The following SDK1 variants were observed in gnomAD, a reference collection of about 807,000 sequenced individuals.
The protein encoded by SDK1 is protein sidekick-1.
Under a neutral mutation model 245.5 loss-of-function variants are expected in SDK1, and 157 were observed. The ratio of observed to expected loss-of-function variants is 0.64; its 90% CI spans 0.56 to 0.73. The LOEUF (loss-of-function observed/expected upper bound fraction) is 0.73. SDK1 is among the 30% of genes least tolerant of loss of function. The probability of loss-of-function intolerance (pLI) is 0.00; values close to 1 mark genes in which losing one functional copy is unlikely to be tolerated. For missense variants in SDK1, 3,583 were observed against 3,002.3 expected (o/e 1.19, Z -4.52); for synonymous variants, 1,647 against 1,278.5 (o/e 1.29, Z -6.15).
intron 1 of SDK1, among the ~76,000 whole-genome samples, chr7:3,514,723 C>G (rs922690093): frequency 5.3e-5 from 8 of 152,210 alleles, no homozygotes; most frequent in Admixed American, 3.3e-4. Context: ...GTACTTAGAC[C>G]CCGTCTCCTT....
intron 4 of SDK1, among the ~76,000 whole-genome samples, chr7:3,803,224 T>G (rs1779149473): frequency 6.6e-6 from 1 of 152,206 alleles, no homozygotes; most frequent in Admixed American, 6.5e-5. Flanking sequence ...TTTTATGTGC[T>G]TATTTGCCGT....
At chr7:3,781,784 A>G (rs1012912790) in intron 4 of SDK1, among the ~76,000 whole-genome samples, 2 of 152,236 alleles carry the variant, frequency 1.3e-5, no homozygotes, top group Non-Finnish European at 2.9e-5. Context: ...GAAAAATTCA[A>G]TAGAAAGCTT....
At chr7:3,641,527 A>G (rs547847335) in intron 3 of SDK1, among the ~76,000 whole-genome samples, 50 of 152,306 alleles carry the variant, frequency 3.3e-4, no homozygotes, top group Non-Finnish European at 6.3e-4. Flanking sequence ...GAAGGAAACA[A>G]GCTGAAGAGA....
chr7:3,355,785 T>A (rs57952815), intron 1 of SDK1, among the ~76,000 whole-genome samples: 82,001 of 152,154 alleles, frequency 0.54, 23,702 homozygotes, highest in African/African-American at 0.77. Context: ...TTTACCCATT[T>A]AATCTGCTAT....
At chr7:3,682,083 G>A (rs1237357264) in intron 4 of SDK1, among the ~76,000 whole-genome samples, 2 of 152,162 alleles carry the variant, frequency 1.3e-5, no homozygotes, top group African/African-American at 4.8e-5. Flanking sequence ...GAATTTTGAA[G>A]TATCTGCCTG....
Position 3,549,248 on chromosome 7 carries a change from A to G in SDK1, c.299-69832A>G, listed in dbSNP as rs183412847. 5.1e-4 allele frequency among the ~76,000 whole-genome samples: 77 copies of G among 152,324 alleles called. 1 individual carries two copies. The South Asian group carries it at 0.014, about 27-fold the overall frequency. The stretch of plus-strand genomic sequence containing the variant: ...GTGAAATGTGATCTCTATGAGTTAT[A>G]GTCTTCCTGTGAGGATGCGTTGTTT... On this transcript the variant is annotated intron_variant, in intron 1 of 44. Coordinates refer to ENST00000404826, the MANE Select transcript of SDK1 (RefSeq NM_152744.4).
At chr7:3,564,390 G>A (rs922187208) in intron 1 of SDK1, among the ~76,000 whole-genome samples, 1 of 152,052 alleles carries the variant, frequency 6.6e-6, no homozygotes, top group Non-Finnish European at 1.5e-5. Flanking sequence ...TTGGGAGGCC[G>A]AGACAGGATA....
At chr7:4,238,360 G>A (rs531066182) in intron 42 of SDK1, among the ~76,000 whole-genome samples, 72 of 151,924 alleles carry the variant, frequency 4.7e-4, no homozygotes, top group Non-Finnish European at 9.6e-4. Context: ...GATTACAGAC[G>A]TGAGCCACGG....
chr7:4,221,763 A>G (rs1785165796), intron 40 of SDK1, among the ~76,000 whole-genome samples: 1 of 152,192 alleles, frequency 6.6e-6, no homozygotes, highest in Non-Finnish European at 1.5e-5. Flanking sequence ...CTTGTTTCTG[A>G]TAATACGAAG....
At chr7:3,653,263 C>T (rs1309515135) in intron 4 of SDK1, among the ~76,000 whole-genome samples, 2 of 152,220 alleles carry the variant, frequency 1.3e-5, no homozygotes, top group African/African-American at 4.8e-5. Flanking sequence ...CCTCCTTCCT[C>T]TGTGCTTTCC....
rs188280581 is a variant in SDK1 at position 3,417,930 on chromosome 7, A to G, written c.298+116046A>G. Among the ~76,000 whole-genome samples, 191 of 152,298 alleles carry G rather than the reference A, an allele frequency of 1.3e-3. 1 individual carries two copies. The highest frequency in any genetic ancestry group is 2.1e-3 in the Non-Finnish European group (141 of 68,024). On this transcript the variant is annotated intron_variant, in intron 1 of 44. Coordinates refer to ENST00000404826, the MANE Select transcript of SDK1 (RefSeq NM_152744.4). Reference sequence around the variant, plus strand: ...CGGAAGTGAGTTTGCAAAGTATCTTATAAAAAGCTAGACTTAATTACTCAT... The same window carrying G: ...CGGAAGTGAGTTTGCAAAGTATCTTGTAAAAAGCTAGACTTAATTACTCAT...
intron 1 of SDK1, among the ~76,000 whole-genome samples, chr7:3,551,560 GT>G (rs529424717): frequency 0.019 from 2,782 of 143,554 alleles, 51 homozygotes; most frequent in African/African-American, 0.051. Flanking sequence ...TGCCTCATTG[GT>G]TTTTTTTTTT....
In SDK1 at chr7:3,633,770, C is replaced by G. The variant is rs370557955; in HGVS notation, c.459-5234C>G. Reference sequence around the variant, plus strand: ...TTCTAAAACCACAGAAACCAACTTTCTCTTGTGTGAGCTGTTGCATGGATG... The same window carrying G: ...TTCTAAAACCACAGAAACCAACTTTGTCTTGTGTGAGCTGTTGCATGGATG... On this transcript the variant is annotated intron_variant, in intron 2 of 44. Coordinates refer to ENST00000404826, the MANE Select transcript of SDK1 (RefSeq NM_152744.4). Among the ~76,000 whole-genome samples, 15 of 152,298 alleles carry G rather than the reference C, an allele frequency of 9.8e-5. 1 individual carries two copies. Among genetic ancestry groups the G allele is most frequent in the African/African-American group, 3.6e-4 (15 of 41,570 alleles).
intron 14 of SDK1, among the ~76,000 whole-genome samples, chr7:4,005,039 CTTTTTTT>C (rs1162979240): frequency 1.1e-5 from 1 of 91,002 alleles, no homozygotes; most frequent in East Asian, 3.2e-4. Context: ...GTTCCTGCAC[CTTTTTTT>C]TTTTTTTTTT....
At chr7:3,621,622 A>G (rs34369020) in intron 2 of SDK1, among the ~76,000 whole-genome samples, 37,223 of 152,160 alleles carry the variant, frequency 0.24, 5,493 homozygotes, top group Non-Finnish European at 0.33. Context: ...CCCCAAGAAC[A>G]GGCCTTTGTG....
chr7:4,187,367 A>G (rs1394679369), intron 35 of SDK1, among the ~76,000 whole-genome samples: 1 of 152,222 alleles, frequency 6.6e-6, no homozygotes. Context: ...AACGTCTCCA[A>G]TGCCTGCCTT....
intron 4 of SDK1, among the ~76,000 whole-genome samples, chr7:3,723,697 T>A (rs1207499184): frequency 1.3e-5 from 2 of 151,304 alleles, no homozygotes; most frequent in Admixed American, 6.6e-5. Context: ...TATATACACG[T>A]ACATATACAT....
At position 3,974,443 on chromosome 7, in the gene SDK1, C is replaced by T; in HGVS notation, c.1892C>T (p.Ser631Phe). 3 of 1,613,860 alleles carry T rather than the reference C, an allele frequency of 1.9e-6. No individual in the cohort carries two copies. The highest frequency in any genetic ancestry group is 1.7e-5 in the Admixed American group (1 of 60,028). Residue 631 changes from serine to phenylalanine, a missense_variant, in exon 13 of 45, where the codon TCC (serine) becomes TTC (phenylalanine). Transcript: ENST00000404826. ...AGGATCGTGGTGGAGAAGGACGGGT[C>T]CCTTCTCATCAGCCAGACGTGGTCA... is the stretch of plus-strand genomic sequence containing the variant. ...TSRIVVEKDG[S>F]LLISQTWSGD...
chr7:3,511,712 T>C (rs1231184808), intron 1 of SDK1, among the ~76,000 whole-genome samples: 1 of 152,054 alleles, frequency 6.6e-6, no homozygotes, highest in Non-Finnish European at 1.5e-5. Flanking sequence ...AGTTAAAGCA[T>C]AAAAAGTTTA....
Sources: allele counts gnomAD v4.1 joint callset (sites outside exome capture counted in the v4.1 genomes callset), GRCh38; gene constraint gnomAD v4.1.1; transcripts MANE v1.5; gene names NCBI Gene and HGNC (gene_info 2026-07-23, HGNC 2026-07-21).